NTN1: variants seen among roughly 807,000 people sequenced by gnomAD.
The protein encoded by NTN1 is netrin 1.
In NTN1, 11 loss-of-function variants were observed where a neutral mutation model predicts 54.2. That is an observed-to-expected ratio of 0.20 (90% CI 0.13 to 0.34). The LOEUF (loss-of-function observed/expected upper bound fraction) is 0.34. NTN1 is among the 10% of genes least tolerant of loss of function. The pLI is 1.00. For synonymous variants in NTN1, 371 were observed against 382.0 expected (o/e 0.97, Z 0.33); for missense variants, 740 against 893.1 (o/e 0.83, Z 2.18).
intron 2 of NTN1, among the ~76,000 whole-genome samples, chr17:9,073,620 A>C (rs1244054108): frequency 6.6e-6 from 1 of 152,172 alleles, no homozygotes; most frequent in African/African-American, 2.4e-5. Flanking sequence ...TCTCCTGTAT[A>C]CTTGACCCCA....
At chr17:9,170,076 A>G (rs1035161394) in intron 3 of NTN1, among the ~76,000 whole-genome samples, 1 of 152,096 alleles carries the variant, frequency 6.6e-6, no homozygotes, top group African/African-American at 2.4e-5. Context: ...TGGCACGGGG[A>G]TAGTAAACAG....
At chr17:9,007,363 T>C in the NTN1 span, among the ~76,000 whole-genome samples, 2 of 150,934 alleles carry the variant, frequency 1.3e-5, no homozygotes, top group Admixed American at 1.3e-4. Flanking sequence ...CTCTCTCTTT[T>C]CTTTCTTTCC....
chr17:9,023,807 G>T (rs940887835), intron 2 of NTN1, among the ~76,000 whole-genome samples: 1 of 152,218 alleles, frequency 6.6e-6, no homozygotes, highest in African/African-American at 2.4e-5. Context: ...CCAGTTCCTG[G>T]GAAGTTCCAA....
the NTN1 span, among the ~76,000 whole-genome samples, chr17:9,015,600 G>A: frequency 1.3e-5 from 2 of 151,594 alleles, no homozygotes; most frequent in African/African-American, 4.9e-5. Context: ...CTGTATCCTC[G>A]TCCTCCTCAC....
In NTN1 at chr17:9,023,040, C is replaced by T; in HGVS notation, c.667C>T (p.Leu223=). The T allele has an allele frequency of 6.3e-7, 1 of 1,592,856 alleles. No individual in the cohort carries two copies. Among genetic ancestry groups the T allele is most frequent in the South Asian group, 1.1e-5 (1 of 88,470 alleles). ...GGGCGGCCTCATCGCCTTCAGCACG[C>T]TGGACGGGCGGCCCTCGGCGCACGA... The part of the protein sequence containing the change: ...LSGGLIAFST[L]DGRPSAHDFD... Residue 223 remains leucine (L), a synonymous_variant, in exon 2 of 7, where the codon CTG becomes TTG. Transcript: ENST00000173229.
chr17:9,025,541 A>G (rs1170520408), intron 2 of NTN1, among the ~76,000 whole-genome samples: 1 of 152,232 alleles, frequency 6.6e-6, no homozygotes, highest in Non-Finnish European at 1.5e-5. Context: ...GTATCTTTAA[A>G]TCTTGCCAAT....
chr17:9,187,650 T>G (rs1597527022), intron 5 of NTN1, among the ~76,000 whole-genome samples: 1 of 80,604 alleles, frequency 1.2e-5, no homozygotes, highest in South Asian at 5.3e-4. Flanking sequence ...AAACCTCATC[T>G]CTCCAAAAAA....
chr17:9,231,185 C>T (rs576717743), intron 6 of NTN1, among the ~76,000 whole-genome samples: 3 of 152,300 alleles, frequency 2.0e-5, no homozygotes, highest in Non-Finnish European at 2.9e-5. Flanking sequence ...TCAGCACCCC[C>T]GCCATTGTTC....
Position 9,228,709 on chromosome 17 carries a change from G to A in NTN1, c.1486+7467G>A, listed in dbSNP as rs999339491. Among the ~76,000 whole-genome samples, 4 of 152,180 alleles carry A rather than the reference G, an allele frequency of 2.6e-5. No individual in the cohort carries two copies. In the South Asian group the frequency reaches 8.3e-4, roughly 32 times the overall value. ...GGAAAAATCAAAATGCTTCTCACAG[G>A]ACGATTTGTCTCAAGTATTCCGCCT... is the stretch of plus-strand genomic sequence containing the variant. On this transcript the variant is annotated intron_variant, in intron 6 of 6. Transcript: ENST00000173229.
intron 5 of NTN1, among the ~76,000 whole-genome samples, chr17:9,206,662 C>T (rs1904976963): frequency 6.6e-6 from 1 of 152,234 alleles, no homozygotes; most frequent in African/African-American, 2.4e-5. Context: ...AGGAGGTCAC[C>T]CAGCCTCGGA....
Position 9,157,929 on chromosome 17 carries a change from C to T in NTN1, c.1019-4884C>T, listed in dbSNP as rs371908588. ...GAGATGCAGGAGATAAACAGGAAGG[C>T]GCAAAGGATTAAGGTGTCTCTCTGA... is the stretch of plus-strand genomic sequence containing the variant. On this transcript the variant is annotated intron_variant, in intron 2 of 6. Transcript: ENST00000173229. 1.6e-4 allele frequency among the ~76,000 whole-genome samples: 25 copies of T among 152,232 alleles called. 1 individual carries two copies. The highest frequency in any genetic ancestry group is 4.6e-4 in the African/African-American group (19 of 41,552).
chr17:9,162,801 C>T lies in NTN1; in HGVS notation c.1019-12C>T, dbSNP rs1333728026. 6.3e-7 allele frequency: 1 copy of T among 1,598,718 alleles called. No individual in the cohort carries two copies. Among genetic ancestry groups the T allele is most frequent in the Non-Finnish European group, 8.6e-7 (1 of 1,168,154 alleles). ...CCCTGCGGCTGACACCTCTCTCTGT[C>T]TCCCCCTGCAGCCTGTAACTGCAAC... On this transcript the variant is annotated splice_polypyrimidine_tract_variant and intron_variant, in intron 2 of 6. Transcript: ENST00000173229.
At chr17:9,208,077 C>G (rs1658069142) in intron 5 of NTN1, among the ~76,000 whole-genome samples, 1 of 152,102 alleles carries the variant, frequency 6.6e-6, no homozygotes, top group Admixed American at 6.5e-5. Context: ...ACCAAAAATA[C>G]AAAAATTAGC....
chr17:9,050,448 T>G (rs1307150628), intron 2 of NTN1, among the ~76,000 whole-genome samples: 3 of 150,992 alleles, frequency 2.0e-5, no homozygotes, highest in African/African-American at 7.3e-5. Context: ...AGTGGGCGGA[T>G]CACTTGAGGC....
At chr17:9,166,411 G>A (rs532042748) in intron 3 of NTN1, among the ~76,000 whole-genome samples, 20 of 141,316 alleles carry the variant, frequency 1.4e-4, no homozygotes, top group African/African-American at 4.5e-4. Flanking sequence ...GTGCAATCTC[G>A]GCTCACTGCA....
chr17:9,063,395 G>A (rs992907460), intron 2 of NTN1, among the ~76,000 whole-genome samples: 1 of 151,248 alleles, frequency 6.6e-6, no homozygotes, highest in Non-Finnish European at 1.5e-5. Context: ...ACCGCTCCCA[G>A]CCCATTAATG....
rs925231734 is a variant in NTN1, at chr17:9,180,647, G to T, written c.1357+691G>T. On this transcript the variant is annotated intron_variant, in intron 4 of 6. Transcript: ENST00000173229. ...TGCCGGCATTCCCCCTGCCCCTGGT[G>T]GGTTCAGAACAGAAAGGACGGACAG... 4.6e-5 allele frequency among the ~76,000 whole-genome samples: 7 copies of T among 152,230 alleles called. 1 individual carries two copies. The highest frequency in any genetic ancestry group is 3.9e-4 in the Admixed American group (6 of 15,286).
chr17:9,035,412 C>T (rs897869597), intron 2 of NTN1, among the ~76,000 whole-genome samples: 2 of 152,222 alleles, frequency 1.3e-5, no homozygotes, highest in Non-Finnish European at 2.9e-5. Context: ...CTCCACTCCA[C>T]TTACGGCAGG....
chr17:9,218,486 G>A (rs1347095540), intron 5 of NTN1, among the ~76,000 whole-genome samples: 3 of 152,200 alleles, frequency 2.0e-5, no homozygotes, highest in African/African-American at 4.8e-5. Flanking sequence ...AATGTAATTA[G>A]GCAGTGATGG....
Sources: gnomAD v4.1 joint callset for allele counts (sites outside exome capture counted in the v4.1 genomes callset) on GRCh38, gnomAD v4.1.1 for gene constraint, MANE v1.5 for transcripts, NCBI Gene and HGNC (gene_info 2026-07-23, HGNC 2026-07-21) for gene names.